Variants in GABRG2 observed in about 807,000 individuals in gnomAD.
GABRG2 encodes gamma-aminobutyric acid type A receptor subunit gamma2.
GABRG2 carries 16 observed loss-of-function variants against 56.4 expected under a neutral mutation model. That is an observed-to-expected ratio of 0.28 (90% CI 0.19 to 0.43). GABRG2 has a LOEUF of 0.43. Among genes scored for constraint, GABRG2 ranks in the 20% least tolerant of loss-of-function variants. The pLI is 1.00. For synonymous variants in GABRG2, 208 were observed against 205.5 expected, an observed-to-expected ratio of 1.01 and a Z score of -0.10; for missense variants, 327 against 582.7, an observed-to-expected ratio of 0.56 and a Z score of 4.52.
At chr5:162,085,864 A>G (rs972641238) in intron 1 of GABRG2, among the ~76,000 whole-genome samples, 9 of 151,866 alleles carry the variant, frequency 5.9e-5, no homozygotes, top group Non-Finnish European at 5.9e-5. Context: ...TTTGATAAGG[A>G]TAGTGGTCTC....
At chr5:162,148,653 C>T (rs931241970) in intron 7 of GABRG2, among the ~76,000 whole-genome samples, 1 of 152,134 alleles carries the variant, frequency 6.6e-6, no homozygotes, top group Non-Finnish European at 1.5e-5. Flanking sequence ...CAAGGTTTCT[C>T]TTTCTCAGAA....
intron 6 of GABRG2, among the ~76,000 whole-genome samples, chr5:162,125,014 CA>C (rs759712085): frequency 1.3e-5 from 2 of 148,584 alleles, no homozygotes; most frequent in Non-Finnish European, 3.0e-5. Context: ...CTAAGCATAT[CA>C]AAAACAGAAT....
chr5:162,117,588 A>T (rs1316243579), intron 6 of GABRG2, among the ~76,000 whole-genome samples: 1 of 152,180 alleles, frequency 6.6e-6, no homozygotes, highest in Non-Finnish European at 1.5e-5. Flanking sequence ...TTAATGAAGC[A>T]TTCTTAATTT....
chr5:162,102,578 G>C (rs1037752437), intron 5 of GABRG2: 8 of 454,074 alleles, frequency 1.8e-5, no homozygotes, highest in Non-Finnish European at 3.5e-5. Context: ...GCCCAGGCTG[G>C]AATGTGCAGT....
At chr5:162,101,473 A>C (rs1027590415) in intron 5 of GABRG2, 156 bp downstream of exon 5, 2 of 692,182 alleles carry the variant, frequency 2.9e-6, no homozygotes, top group South Asian at 3.1e-5. Flanking sequence ...TCTTAATCCC[A>C]GCTTGCTCCG....
At chr5:162,110,260 T>A (rs533960631) in intron 6 of GABRG2, among the ~76,000 whole-genome samples, 2 of 152,272 alleles carry the variant, frequency 1.3e-5, no homozygotes, top group East Asian at 3.9e-4. Context: ...GTTGCCTGAT[T>A]TCTAAAGTAT....
intron 6 of GABRG2, among the ~76,000 whole-genome samples, chr5:162,123,623 A>G (rs1419192716): frequency 6.6e-6 from 1 of 151,960 alleles, no homozygotes; most frequent in East Asian, 1.9e-4. Context: ...AAAGACTGAC[A>G]GTAGCTTCTT....
intron 6 of GABRG2, among the ~76,000 whole-genome samples, chr5:162,109,175 A>C (rs1762054655): frequency 6.6e-6 from 1 of 151,628 alleles, no homozygotes; most frequent in Non-Finnish European, 1.5e-5. Flanking sequence ...TCTCCCTCAT[A>C]GGTGGGAATT....
chr5:162,087,218 G>A (rs570792592), intron 1 of GABRG2, among the ~76,000 whole-genome samples: 11 of 152,066 alleles, frequency 7.2e-5, no homozygotes, highest in African/African-American at 2.4e-4. Flanking sequence ...AATGAGCATC[G>A]TCACTGCCTC....
upstream of GABRG2, chr5:162,067,676 C>T (rs1758316363): frequency 1.7e-6 from 1 of 597,252 alleles, no homozygotes; most frequent in East Asian, 2.8e-5. Context: ...CACGAGTGTG[C>T]GTGTCTTTCC....
chr5:162,088,092 G>T (rs1760269858), intron 1 of GABRG2, among the ~76,000 whole-genome samples: 2 of 152,038 alleles, frequency 1.3e-5, no homozygotes, highest in South Asian at 2.1e-4. Context: ...TAGAGAATTT[G>T]CATGTCCTTA....
At chr5:162,115,281 C>T (rs1762537521) in intron 6 of GABRG2, among the ~76,000 whole-genome samples, 1 of 152,146 alleles carries the variant, frequency 6.6e-6, no homozygotes, top group Admixed American at 6.6e-5. Flanking sequence ...GTTTACTTCA[C>T]TCCTGAAACA....
intron 1 of GABRG2, among the ~76,000 whole-genome samples, chr5:162,088,730 A>G (rs887835187): frequency 6.6e-6 from 1 of 152,122 alleles, no homozygotes; most frequent in Non-Finnish European, 1.5e-5. Flanking sequence ...AATAATGGTT[A>G]AATGTTTAGT....
At chr5:162,089,685 C>T (rs947433944) in intron 1 of GABRG2, among the ~76,000 whole-genome samples, 1 of 152,012 alleles carries the variant, frequency 6.6e-6, no homozygotes, top group African/African-American at 2.4e-5. Context: ...CAACTACTTA[C>T]CTGTGTTAGA....
rs1445482381 is a variant in GABRG2, at chr5:162,109,163, G to A, written c.769+5137G>A. ...AAAGACAAAAAATCAAACACCGCAT[G>A]TTCTCCCTCATAGGTGGGAATTGAA... On this transcript the variant is annotated intron_variant, in intron 6 of 9. Coordinates refer to ENST00000639213, the MANE Select transcript of GABRG2 (RefSeq NM_198904.4). Among the ~76,000 whole-genome samples the A allele has an allele frequency of 4.0e-5, 6 of 151,538 alleles. No individual in the cohort carries two copies. In the South Asian group the frequency reaches 8.3e-4, roughly 21 times the overall value.
At chr5:162,142,006 G>T (rs1375885794) in intron 6 of GABRG2, among the ~76,000 whole-genome samples, 158 bp from the exon 7 acceptor site, 2 of 152,090 alleles carry the variant, frequency 1.3e-5, no homozygotes, top group African/African-American at 4.8e-5. Flanking sequence ...TTTCATTTTT[G>T]TTTTTTAACC....
At chr5:162,092,785 G>A (rs1760701073) in intron 1 of GABRG2, among the ~76,000 whole-genome samples, 1 of 152,034 alleles carries the variant, frequency 6.6e-6, no homozygotes, top group Non-Finnish European at 1.5e-5. Flanking sequence ...GTAAAGATGG[G>A]GGCAGGGGTG....
intron 2 of GABRG2, chr5:162,094,895 A>T (rs1313992896): frequency 6.6e-6 from 1 of 152,526 alleles, no homozygotes; most frequent in Non-Finnish European, 1.5e-5. Context: ...ATGGGTTTCC[A>T]TATGGTTTTC....
At chr5:162,085,958 A>ATT (rs558615682) in intron 1 of GABRG2, among the ~76,000 whole-genome samples, 9 of 145,704 alleles carry the variant, frequency 6.2e-5, no homozygotes, top group African/African-American at 1.7e-4. Flanking sequence ...TACGTACCAC[A>ATT]TTTTTTTTTT....
Sources: gnomAD v4.1 joint callset for allele counts (sites outside exome capture counted in the v4.1 genomes callset) on GRCh38, gnomAD v4.1.1 for gene constraint, MANE v1.5 for transcripts, NCBI Gene and HGNC (gene_info 2026-07-23, HGNC 2026-07-21) for gene names.